Variants in SEL1L2 observed in about 807,000 individuals in gnomAD.
SEL1L2 encodes the protein SEL1L2 adaptor subunit of SYVN1 ubiquitin ligase.
SEL1L2 carries 89 observed loss-of-function variants against 98.8 expected under a neutral mutation model. That is an observed-to-expected ratio of 0.90 (90% CI 0.76 to 1.07). The LOEUF (loss-of-function observed/expected upper bound fraction) is 1.07, where lower values mean the gene tolerates loss of function less well. Ranked by LOEUF, SEL1L2 falls within the 50% of genes least tolerant of loss-of-function variation. The pLI, the probability that SEL1L2 is intolerant of heterozygous loss-of-function variation, is 0.00. For synonymous variants in SEL1L2, 262 were observed against 278.5 expected (o/e 0.94, Z 0.59); for missense variants, 788 against 812.0 (o/e 0.97, Z 0.36).
At chr20:13,964,341 G>A (rs751654407) in intron 1 of SEL1L2, among the ~76,000 whole-genome samples, 5 of 152,034 alleles carry the variant, frequency 3.3e-5, no homozygotes, top group Non-Finnish European at 7.4e-5. Context: ...AGCATAGGAA[G>A]AGCCAGCCCA....
intron 5 of SEL1L2, among the ~76,000 whole-genome samples, chr20:13,907,606 G>T (rs536599467): frequency 6.6e-6 from 1 of 152,020 alleles, no homozygotes; most frequent in South Asian, 2.1e-4. Flanking sequence ...GCCACAAATA[G>T]TACCACACTT....
intron 1 of SEL1L2, among the ~76,000 whole-genome samples, chr20:13,965,940 G>C (rs1286942867): frequency 2.2e-5 from 3 of 133,372 alleles, no homozygotes; most frequent in African/African-American, 8.7e-5. Context: ...TGGGTGACAA[G>C]AGCAAGATTC....
At chr20:13,947,131 C>CCATGATT (rs1473388844) in intron 2 of SEL1L2, among the ~76,000 whole-genome samples, 1 of 151,538 alleles carries the variant, frequency 6.6e-6, no homozygotes, top group Non-Finnish European at 1.5e-5. Context: ...GGGCCAGGAT[C>CCATGATT]CATTCCGGGT....
At chr20:13,943,915 T>C (rs1271186987) in intron 2 of SEL1L2, among the ~76,000 whole-genome samples, 1 of 152,166 alleles carries the variant, frequency 6.6e-6, no homozygotes, top group Non-Finnish European at 1.5e-5. Context: ...AAAGCACCAC[T>C]CAGTTGGTTA....
At chr20:13,877,104 C>T (rs2046469566) in intron 11 of SEL1L2, among the ~76,000 whole-genome samples, 1 of 152,154 alleles carries the variant, frequency 6.6e-6, no homozygotes, top group African/African-American at 2.4e-5. Context: ...GGATTACAGG[C>T]GTGAGCCACC....
At chr20:13,940,108 C>G (rs2049687291) in intron 2 of SEL1L2, among the ~76,000 whole-genome samples, 1 of 152,180 alleles carries the variant, frequency 6.6e-6, no homozygotes, top group Non-Finnish European at 1.5e-5. Flanking sequence ...TTCCATTTGT[C>G]TGTAAGAAAT....
At chr20:13,850,020 C>T in intron 19 of SEL1L2, 171 bp downstream of exon 19, 1 of 672,348 alleles carries the variant, frequency 1.5e-6, no homozygotes, top group African/African-American at 1.8e-5. Context: ...TCAACACATA[C>T]TCAATAGAAC....
chr20:13,990,605 C>T lies in SEL1L2; in HGVS notation c.-71G>A, dbSNP rs1308859843. Reference sequence around the variant, plus strand: ...GGTGATTGGCCCAAGAGCTCCTCTTCTCAGGGACTGTGGTGGGGGCAGGAG... The same window carrying T: ...GGTGATTGGCCCAAGAGCTCCTCTTTTCAGGGACTGTGGTGGGGGCAGGAG... On this transcript the variant is annotated 5_prime_UTR_variant, in exon 1 of 20. Coordinates refer to ENST00000284951, the MANE Select transcript of SEL1L2 (RefSeq NM_025229.2). 6.6e-6 allele frequency: 8 copies of T among 1,205,940 alleles called. No homozygotes were observed. In the Admixed American group the frequency reaches 7.4e-5, roughly 11 times the overall value. The allele number at this position is 1,205,940 out of a possible 1,614,324, so 74.7% of individuals were successfully genotyped here.
chr20:13,993,815 T>A (rs1427986180), upstream of SEL1L2, among the ~76,000 whole-genome samples: 1 of 152,248 alleles, frequency 6.6e-6, no homozygotes, highest in East Asian at 1.9e-4. Flanking sequence ...GTTTTTCTTT[T>A]CTTCCTCACC....
At chr20:13,868,309 G>A (rs899794157) in intron 14 of SEL1L2, among the ~76,000 whole-genome samples, 3 of 152,010 alleles carry the variant, frequency 2.0e-5, no homozygotes, top group Non-Finnish European at 4.4e-5. Flanking sequence ...CCACTGATCT[G>A]TGCCTAATCA....
intron 2 of SEL1L2, among the ~76,000 whole-genome samples, chr20:13,934,269 C>T (rs1475948009): frequency 1.5e-5 from 2 of 134,178 alleles, no homozygotes; most frequent in Non-Finnish European, 3.1e-5. Flanking sequence ...ATTATCCAGT[C>T]CCATCCAAGT....
chr20:13,883,845 T>C (rs913463064), intron 10 of SEL1L2, among the ~76,000 whole-genome samples: 1 of 152,218 alleles, frequency 6.6e-6, no homozygotes, highest in Non-Finnish European at 1.5e-5. Context: ...TTATGGAAAA[T>C]GAGGACGTCT....
At chr20:13,871,462 G>C (rs961739057) in intron 12 of SEL1L2, among the ~76,000 whole-genome samples, 2 of 151,596 alleles carry the variant, frequency 1.3e-5, no homozygotes, top group Non-Finnish European at 2.9e-5. Flanking sequence ...GTCCTATCAC[G>C]CATTTCACCC....
chr20:13,920,227 CA>C (rs4052973), intron 3 of SEL1L2, among the ~76,000 whole-genome samples: 20,771 of 102,976 alleles, frequency 0.2, 1,670 homozygotes, highest in Non-Finnish European at 0.25. Context: ...GACTCCGTCC[CA>C]AAAAAAAAAA....
At chr20:13,872,878 G>A (rs1051721406) in intron 12 of SEL1L2, among the ~76,000 whole-genome samples, 2 of 152,156 alleles carry the variant, frequency 1.3e-5, no homozygotes, top group East Asian at 1.9e-4. Context: ...ATGGAGACAC[G>A]TGGAGTCCCT....
intron 5 of SEL1L2, among the ~76,000 whole-genome samples, chr20:13,899,301 T>C (rs2047563976): frequency 6.6e-6 from 1 of 152,188 alleles, no homozygotes; most frequent in Non-Finnish European, 1.5e-5. Context: ...TGTTGTGGTT[T>C]GCTATTATAT....
In SEL1L2 at chr20:13,912,226, T is replaced by A. The variant is rs575340575; in HGVS notation, c.549+1556A>T. Among the ~76,000 whole-genome samples, 6 of 151,966 alleles carry A rather than the reference T, an allele frequency of 3.9e-5. No individual in the cohort carries two copies. In the South Asian group the frequency reaches 1.3e-3, roughly 32 times the overall value. On this transcript the variant is annotated intron_variant, in intron 5 of 19. Transcript: ENST00000284951. ...AACATACAGACTCACAGGACACCCA[T>A]GGGCTTTGTCGCCACCAGTGTATGA...
chr20:13,987,371 A>T (rs1486516610), intron 1 of SEL1L2, among the ~76,000 whole-genome samples: 4 of 144,770 alleles, frequency 2.8e-5, no homozygotes. Context: ...TTTGAGACAG[A>T]GTCTTGTTCT....
At chr20:13,914,009 A>T in intron 4 of SEL1L2, 65 bp from the exon 5 acceptor site, 1 of 1,339,590 alleles carries the variant, frequency 7.5e-7, no homozygotes, top group South Asian at 1.4e-5. Flanking sequence ...CTTCTTCAAC[A>T]CTATTCATAC....
Sources: allele counts gnomAD v4.1 joint callset (sites outside exome capture counted in the v4.1 genomes callset), GRCh38; gene constraint gnomAD v4.1.1; transcripts MANE v1.5; gene names NCBI Gene and HGNC (gene_info 2026-07-23, HGNC 2026-07-21).